Variants in OR51B5 observed in about 807,000 individuals in gnomAD.
OR51B5 encodes the protein olfactory receptor family 51 subfamily B member 5, also known as olfactory receptor 51B5.
For missense variants in OR51B5, 456 were observed against 374.6 expected, an observed-to-expected ratio of 1.22 and a Z score of -1.79; for synonymous variants, 186 against 144.8, an observed-to-expected ratio of 1.28 and a Z score of -2.04.
At chr11:5,444,479 G>T (rs1449783065) in intron 1 of OR51B5, among the ~76,000 whole-genome samples, 1 of 152,166 alleles carries the variant, frequency 6.6e-6, no homozygotes, top group African/African-American at 2.4e-5. Context: ...GAAGGGGTCA[G>T]ATTTGGCTCA....
intron 1 of OR51B5, among the ~76,000 whole-genome samples, chr11:5,443,699 T>G (rs1331976333): frequency 1.3e-5 from 2 of 152,084 alleles, no homozygotes; most frequent in African/African-American, 4.8e-5. Context: ...CAAAGCAACT[T>G]TGAAAACTTT....
At chr11:5,500,709 A>G (rs1846278770) in intron 1 of OR51B5, among the ~76,000 whole-genome samples, 1 of 148,116 alleles carries the variant, frequency 6.8e-6, no homozygotes, top group South Asian at 2.1e-4. Context: ...ACTCCTAACT[A>G]TGGTCAGTGC....
chr11:5,491,307 C>T (rs1396232531), intron 1 of OR51B5, among the ~76,000 whole-genome samples: 2 of 152,122 alleles, frequency 1.3e-5, no homozygotes, highest in South Asian at 2.1e-4. Context: ...AAAGCAATTA[C>T]AAGAAAAAGT....
chr11:5,453,498 T>A, intron 1 of OR51B5: 1 of 1,549,418 alleles, frequency 6.5e-7, no homozygotes, highest in East Asian at 2.3e-5. Context: ...TATGGGGTTG[T>A]TCAATGTCAC....
chr11:5,352,599 A>C (rs1289348902), intron 1 of OR51B5, among the ~76,000 whole-genome samples: 1 of 152,086 alleles, frequency 6.6e-6, no homozygotes, highest in Non-Finnish European at 1.5e-5. Context: ...GCTACTTAGA[A>C]CATTATTTTA....
chr11:5,474,062 C>A (rs948932908), intron 1 of OR51B5, among the ~76,000 whole-genome samples: 1 of 152,072 alleles, frequency 6.6e-6, no homozygotes, highest in African/African-American at 2.4e-5. Flanking sequence ...TGAGATTTGA[C>A]TGATTTAACC....
chr11:5,363,231 A>AGTCTC (rs756062486), intron 1 of OR51B5, among the ~76,000 whole-genome samples: 7 of 135,314 alleles, frequency 5.2e-5, no homozygotes, highest in African/African-American at 1.9e-4. Flanking sequence ...CAACGAACCC[A>AGTCTC]ACCCCTCACA....
At chr11:5,493,610 T>C (rs1851607735) in intron 1 of OR51B5, among the ~76,000 whole-genome samples, 1 of 152,162 alleles carries the variant, frequency 6.6e-6, no homozygotes, top group Non-Finnish European at 1.5e-5. Context: ...GGAGAAAATA[T>C]ATTTCAACTG....
At chr11:5,489,824 A>T in intron 1 of OR51B5, 1 of 613,830 alleles carries the variant, frequency 1.6e-6, no homozygotes, top group Non-Finnish European at 2.9e-6. Flanking sequence ...CAATTATCAC[A>T]CTGAACATAC....
intron 1 of OR51B5, chr11:5,422,470 C>T (rs2736588): frequency 0.4 from 648,628 of 1,613,420 alleles, 133,917 homozygotes; most frequent in East Asian, 0.68. Context: ...TCTGGTTCAA[C>T]GTTCGTAGAA....
At chr11:5,424,473 T>A (rs969766165) in intron 1 of OR51B5, among the ~76,000 whole-genome samples, 1 of 152,116 alleles carries the variant, frequency 6.6e-6, no homozygotes, top group African/African-American at 2.4e-5. Flanking sequence ...GAGGCCAGGA[T>A]CTTCCCCTCT....
chr11:5,360,899 C>A (rs1849273774), intron 1 of OR51B5, among the ~76,000 whole-genome samples: 1 of 151,182 alleles, frequency 6.6e-6, no homozygotes, highest in African/African-American at 2.4e-5. Context: ...GGACAAAAAC[C>A]AAACACTGCA....
chr11:5,398,593 C>G (rs2133738297), intron 1 of OR51B5, among the ~76,000 whole-genome samples: 1 of 152,314 alleles, frequency 6.6e-6, no homozygotes, highest in African/African-American at 2.4e-5. Context: ...GGCTCTGTGT[C>G]TCCACCCAAA....
chr11:5,363,802 T>C (rs916362688), intron 1 of OR51B5, among the ~76,000 whole-genome samples: 1 of 152,166 alleles, frequency 6.6e-6, no homozygotes, highest in East Asian at 1.9e-4. Context: ...ATGCAATACA[T>C]CCAGACTATA....
At chr11:5,466,203 T>A (rs7394415) in intron 1 of OR51B5, among the ~76,000 whole-genome samples, 20,379 of 152,242 alleles carry the variant, frequency 0.13, 1,558 homozygotes, top group Admixed American at 0.18. Context: ...TATTACCAGT[T>A]TGAACAAATA....
chr11:5,474,484 A>C (rs1851274586), intron 1 of OR51B5, among the ~76,000 whole-genome samples: 1 of 97,970 alleles, frequency 1.0e-5, no homozygotes, highest in Non-Finnish European at 2.1e-5. Context: ...ACAAATTAAT[A>C]ATTTAACCAA....
intron 1 of OR51B5, among the ~76,000 whole-genome samples, chr11:5,378,695 A>G (rs9795112): frequency 0.23 from 34,584 of 152,134 alleles, 4,208 homozygotes; most frequent in Non-Finnish European, 0.26. Context: ...TATGCAACCA[A>G]AAGACACATG....
chr11:5,468,610 A>T, intron 1 of OR51B5: 1 of 453,948 alleles, frequency 2.2e-6, no homozygotes, highest in Admixed American at 2.4e-5. Flanking sequence ...CATATTCAGG[A>T]GCATGCCTCC....
At chr11:5,356,933 T>C (rs191764591) in intron 1 of OR51B5, among the ~76,000 whole-genome samples, 2,231 of 151,162 alleles carry the variant, frequency 0.015, 56 homozygotes, top group African/African-American at 0.052. Context: ...TGCTGAGAGA[T>C]TTTGTCATCA....
Sources: allele counts gnomAD v4.1 joint callset (sites outside exome capture counted in the v4.1 genomes callset), GRCh38; gene constraint gnomAD v4.1.1; transcripts MANE v1.5; gene names NCBI Gene and HGNC (gene_info 2026-07-23, HGNC 2026-07-21).